Variants in CIT observed in about 807,000 individuals in gnomAD.
The protein encoded by CIT is citron Rho-interacting kinase.
In CIT, 79 loss-of-function variants were observed where a neutral mutation model predicts 272.7. That is an observed-to-expected ratio of 0.29 (90% CI 0.24 to 0.35). The LOEUF is 0.35. CIT is among the 10% of genes least tolerant of loss of function. The probability of loss-of-function intolerance (pLI) is 1.00; values close to 1 mark genes in which losing one functional copy is unlikely to be tolerated. For synonymous variants in CIT, 948 were observed against 995.6 expected (o/e 0.95, Z 0.90); for missense variants, 1,909 against 2,618.3 (o/e 0.73, Z 5.91).
At chr12:119,874,098 C>T (rs1308872639) in intron 2 of CIT, among the ~76,000 whole-genome samples, 2 of 151,506 alleles carry the variant, frequency 1.3e-5, no homozygotes, top group Admixed American at 6.6e-5. Flanking sequence ...GGAGTCTTAC[C>T]CACTCTGTCG....
intron 10 of CIT, among the ~76,000 whole-genome samples, chr12:119,802,509 T>C (rs1262689025): frequency 6.6e-6 from 1 of 152,208 alleles, no homozygotes; most frequent in African/African-American, 2.4e-5. Flanking sequence ...TCTAGTCTCC[T>C]GGTTTTTTTT....
chr12:119,868,566 T>C (rs1210678815), intron 3 of CIT, among the ~76,000 whole-genome samples: 1 of 152,106 alleles, frequency 6.6e-6, no homozygotes, highest in African/African-American at 2.4e-5. Context: ...TCACACAGGG[T>C]CTCACTCTGT....
rs1957103661 is a variant in CIT at position 119,710,369 on chromosome 12, G to A, written c.4953C>T (p.Thr1651=). 3.1e-6 allele frequency: 5 copies of A among 1,614,116 alleles called. No homozygotes were observed. The highest frequency in any genetic ancestry group is 4.2e-6 in the Non-Finnish European group (5 of 1,180,022). The change falls in exon 39 of 48, where the codon ACC becomes ACT. Residue 1651 remains threonine, a synonymous_variant. Transcript: ENST00000392521. The surrounding 1 kb of genome is among the most constrained non-coding windows in gnomAD (Gnocchi z 5.6). Reference sequence around the variant, plus strand: ...CATTCAGGGCGTAGAGCCCTTCCTCGGTGCCCACCAACACCACCTGCAAGG... The same window carrying A: ...CATTCAGGGCGTAGAGCCCTTCCTCAGTGCCCACCAACACCACCTGCAAGG... ...PFSDQVVLVG[T]EEGLYALNVL...
intron 13 of CIT, among the ~76,000 whole-genome samples, chr12:119,778,834 T>C (rs1964032146): frequency 6.6e-6 from 1 of 152,174 alleles, no homozygotes; most frequent in Admixed American, 6.5e-5. Flanking sequence ...CTCAGAATCA[T>C]GGGGCACACA....
At chr12:119,801,246 A>T (rs1261378950) in intron 10 of CIT, among the ~76,000 whole-genome samples, 1 of 152,184 alleles carries the variant, frequency 6.6e-6, no homozygotes, top group Non-Finnish European at 1.5e-5. Flanking sequence ...CAAATACAAT[A>T]AGCAATATAA....
chr12:119,760,797 AG>A (rs1367417605), intron 20 of CIT, 141 bp downstream of exon 20: 4 of 686,536 alleles, frequency 5.8e-6, no homozygotes, highest in Non-Finnish European at 1.0e-5. Context: ...ACAGTTTCAG[AG>A]AAAGCCTCCT....
rs765029128 is a variant in CIT at position 119,713,475 on chromosome 12, C to T, written c.4480G>A (p.Val1494Met). The T allele has an allele frequency of 2.5e-6, 4 of 1,613,928 alleles. 1 individual carries two copies. The South Asian group carries it at 4.4e-5, about 18-fold the overall frequency. ...SSLHLEGWMK[V>M]PRNNKRGQQG... is the part of the protein sequence containing the mutation. ...GCCACCCTGACATGGTACCTGGGCACCTTCATCCACCCTTCCAGGTGCAAG... is the reference window on the plus strand; with the variant it reads ...GCCACCCTGACATGGTACCTGGGCATCTTCATCCACCCTTCCAGGTGCAAG... Residue 1494 changes from valine to methionine, a missense_variant, in exon 34 of 48, where the codon GTG becomes ATG. Val to Met is a conservative substitution (Grantham distance 21). This residue lies in a region of CIT where 780 missense variants were observed against 1,067.2 expected (regional missense o/e 0.73). Coordinates refer to ENST00000392521, the MANE Select transcript of CIT (RefSeq NM_001206999.2). The surrounding 1 kb of genome is among the most constrained non-coding windows in gnomAD (Gnocchi z 5.2).
At chr12:119,717,773 T>C (rs1957588665) in intron 32 of CIT, among the ~76,000 whole-genome samples, 1 of 150,814 alleles carries the variant, frequency 6.6e-6, no homozygotes, top group Admixed American at 6.6e-5. Context: ...ACATGAATGG[T>C]ATAGACATGT....
At chr12:119,716,847 T>C (rs1378693880) in intron 32 of CIT, among the ~76,000 whole-genome samples, 4 of 152,168 alleles carry the variant, frequency 2.6e-5, no homozygotes, top group African/African-American at 9.7e-5. Flanking sequence ...TAAATGGCCA[T>C]CAACAGGAGC....
intron 5 of CIT, 90 bp downstream of exon 5, chr12:119,850,084 A>T (rs1970103701): frequency 3.5e-6 from 3 of 859,688 alleles, no homozygotes; most frequent in Non-Finnish European, 6.0e-6. Flanking sequence ...GAATGAGACC[A>T]CATGGGCAAG....
intron 5 of CIT, among the ~76,000 whole-genome samples, chr12:119,839,151 G>A (rs977659488): frequency 6.6e-6 from 1 of 152,168 alleles, no homozygotes; most frequent in Non-Finnish European, 1.5e-5. Flanking sequence ...CTCTGTTGGT[G>A]TTTGCATCCA....
intron 19 of CIT, among the ~76,000 whole-genome samples, chr12:119,764,965 C>A (rs994137933): frequency 2.6e-5 from 4 of 151,938 alleles, no homozygotes; most frequent in Non-Finnish European, 4.4e-5. Context: ...CGCCACCACG[C>A]CTGGCTAATT....
At position 119,806,129 on chromosome 12, in the gene CIT, C is replaced by T. The variant is rs543180359; in HGVS notation, c.1112-2740G>A. On this transcript the variant is annotated intron_variant, in intron 9 of 47. Coordinates refer to ENST00000392521, the MANE Select transcript of CIT (RefSeq NM_001206999.2). The stretch of plus-strand genomic sequence containing the variant: ...TCCAGCCTGGGGAACAAGAGCGAAA[C>T]ACCATCTCAAAAAAAAAAAAAAAAA... Among the ~76,000 whole-genome samples, 117 of 69,998 alleles carry T rather than the reference C, an allele frequency of 1.7e-3. 2 individuals carry two copies. The South Asian group carries it at 0.066, about 39-fold the overall frequency. 45.9% of individuals were successfully genotyped at this position (69,998 alleles called of 152,430 possible).
intron 13 of CIT, among the ~76,000 whole-genome samples, chr12:119,777,630 A>G (rs1471488388): frequency 2.6e-5 from 4 of 151,790 alleles, no homozygotes; most frequent in African/African-American, 9.7e-5. Flanking sequence ...AGATCGCGCC[A>G]CTGCACTCCA....
chr12:119,718,450 C>A lies in CIT; in HGVS notation c.4004-41G>T. On this transcript the variant is annotated intron_variant, in intron 31 of 47. Coordinates refer to ENST00000392521, the MANE Select transcript of CIT (RefSeq NM_001206999.2). The surrounding 1 kb of genome is among the most constrained non-coding windows in gnomAD (Gnocchi z 4.8). ...GACAATGCCTTTTGGTTAGCTGGGT[C>A]GCCTAGAGGACCAAACTAAGCCGAA... 1.3e-6 allele frequency: 2 copies of A among 1,571,860 alleles called. No individual in the cohort carries two copies. Among genetic ancestry groups the A allele is most frequent in the South Asian group, 2.4e-5 (2 of 84,730 alleles).
intron 40 of CIT, among the ~76,000 whole-genome samples, chr12:119,705,855 C>CA (rs1052491145): frequency 2.0e-5 from 3 of 149,108 alleles, no homozygotes; most frequent in African/African-American, 2.5e-5. Context: ...TTTGGGAGGC[C>CA]AAGGTGGGTG....
intron 10 of CIT, among the ~76,000 whole-genome samples, chr12:119,798,379 C>G (rs759352818): frequency 3.9e-5 from 6 of 152,202 alleles, no homozygotes; most frequent in Non-Finnish European, 7.3e-5. Context: ...CCACTCAAAG[C>G]TACATAACTT....
intron 2 of CIT, among the ~76,000 whole-genome samples, chr12:119,872,230 T>A (rs940490435): frequency 3.3e-5 from 5 of 152,276 alleles, no homozygotes; most frequent in African/African-American, 7.2e-5. Flanking sequence ...ATTTTTTTTT[T>A]ATATATCCTT....
chr12:119,771,011 CA>C, intron 17 of CIT, 101 bp from the exon 18 acceptor site: 1 of 1,428,562 alleles, frequency 7.0e-7, no homozygotes, highest in Non-Finnish European at 9.4e-7. Flanking sequence ...ACACTCGAGT[CA>C]GGAAGAAAAG....
Sources: gnomAD v4.1 joint callset for allele counts (sites outside exome capture counted in the v4.1 genomes callset) on GRCh38, gnomAD v4.1.1 for gene constraint, gnomAD v4.1.1 regional missense constraint, Gnocchi (gnomAD v3.1) non-coding constraint, MANE v1.5 for transcripts, NCBI Gene and HGNC (gene_info 2026-07-23, HGNC 2026-07-21) for gene names.